RNF150: variants seen among roughly 807,000 people sequenced by gnomAD.
RNF150 encodes the protein ring finger protein 150.
RNF150 carries 24 observed loss-of-function variants against 39.3 expected under a neutral mutation model. The ratio of observed to expected loss-of-function variants is 0.61; its 90% CI spans 0.44 to 0.86. The LOEUF (loss-of-function observed/expected upper bound fraction) is 0.86, where lower values mean the gene tolerates loss of function less well. Among genes scored for constraint, RNF150 ranks in the 40% least tolerant of loss-of-function variants. The pLI, the probability that RNF150 is intolerant of heterozygous loss-of-function variation, is 0.00. For missense variants in RNF150, 502 were observed against 587.8 expected (o/e 0.85, Z 1.51); for synonymous variants, 255 against 227.3 (o/e 1.12, Z -1.10).
intron 4 of RNF150, among the ~76,000 whole-genome samples, chr4:140,939,117 A>C (rs1246478281): frequency 6.6e-6 from 1 of 152,174 alleles, no homozygotes; most frequent in African/African-American, 2.4e-5. Context: ...CAGATACTCA[A>C]ATGTCATTAG....
At chr4:140,897,607 T>C (rs551197271) in intron 6 of RNF150, among the ~76,000 whole-genome samples, 2 of 152,222 alleles carry the variant, frequency 1.3e-5, no homozygotes, top group African/African-American at 4.8e-5. Flanking sequence ...ACATGGTTCC[T>C]AGACTGCTCT....
At chr4:140,908,060 T>G (rs1186542691) in intron 6 of RNF150, among the ~76,000 whole-genome samples, 1 of 152,374 alleles carries the variant, frequency 6.6e-6, no homozygotes, top group East Asian at 1.9e-4. Flanking sequence ...GTTATTTATT[T>G]GCAATTTATA....
At chr4:141,183,970 G>A (rs144904141) in intron 1 of RNF150, among the ~76,000 whole-genome samples, 5,591 of 152,146 alleles carry the variant, frequency 0.037, 344 homozygotes, top group African/African-American at 0.12. Context: ...ATAAACATAC[G>A]TGTGCATGTG....
chr4:141,029,465 T>G (rs1428788111), intron 1 of RNF150, among the ~76,000 whole-genome samples: 3 of 152,204 alleles, frequency 2.0e-5, no homozygotes, highest in Admixed American at 6.5e-5. Context: ...TAAATCAGAG[T>G]GTACTTTATA....
chr4:141,095,706 A>G lies in RNF150; in HGVS notation c.484+36619T>C, dbSNP rs568207833. Among the ~76,000 whole-genome samples the G allele has an allele frequency of 9.2e-5, 14 of 152,324 alleles. No individual in the cohort carries two copies. The South Asian group carries it at 2.7e-3, about 29-fold the overall frequency. ...AGGTAAAACAAACATATGTATTTAT[A>G]TATTTTTTCTTATGGTTGCATATAT... On this transcript the variant is annotated intron_variant, in intron 1 of 6. Coordinates refer to ENST00000515673, the MANE Select transcript of RNF150 (RefSeq NM_020724.2).
chr4:141,147,172 G>A (rs1389185449), intron 1 of RNF150, among the ~76,000 whole-genome samples: 1 of 152,160 alleles, frequency 6.6e-6, no homozygotes, highest in Admixed American at 6.5e-5. Context: ...CCAGCCTGGT[G>A]ACTGTGTTTG....
At chr4:141,145,336 C>T (rs572994017) in intron 1 of RNF150, among the ~76,000 whole-genome samples, 1 of 151,750 alleles carries the variant, frequency 6.6e-6, no homozygotes, top group African/African-American at 2.4e-5. Flanking sequence ...TTTTACTTAA[C>T]ATAACATTAA....
At chr4:141,144,993 G>C (rs1285894173) in intron 1 of RNF150, among the ~76,000 whole-genome samples, 1 of 152,128 alleles carries the variant, frequency 6.6e-6, no homozygotes. Context: ...GTAACACATG[G>C]TCTGGACTTC....
intron 2 of RNF150, among the ~76,000 whole-genome samples, chr4:140,958,505 T>C (rs1015222212): frequency 2.0e-5 from 3 of 152,164 alleles, no homozygotes; most frequent in African/African-American, 7.2e-5. Flanking sequence ...CTGCATGCCC[T>C]TGAAAAGAAA....
At chr4:141,165,901 G>C (rs1727590607) in intron 1 of RNF150, among the ~76,000 whole-genome samples, 1 of 151,924 alleles carries the variant, frequency 6.6e-6, no homozygotes, top group Non-Finnish European at 1.5e-5. Context: ...AGAGAAGCAA[G>C]AGCAAAGAAA....
chr4:141,013,888 G>A (rs1367512062), intron 1 of RNF150, among the ~76,000 whole-genome samples: 2 of 152,040 alleles, frequency 1.3e-5, no homozygotes, highest in Non-Finnish European at 2.9e-5. Context: ...CATTATTAAT[G>A]ACTATAGTCA....
intron 1 of RNF150, among the ~76,000 whole-genome samples, chr4:141,117,471 C>T (rs1044108878): frequency 2.0e-5 from 3 of 152,104 alleles, no homozygotes. Flanking sequence ...AAGAAATAGG[C>T]TATAACCTAC....
At position 140,911,202 on chromosome 4, in the gene RNF150, C is replaced by T. The variant is rs770612734; in HGVS notation, c.1140G>A (p.Gln380=). 5.0e-6 allele frequency: 8 copies of T among 1,614,166 alleles called. No homozygotes were observed. In the South Asian group the frequency reaches 5.5e-5, roughly 11 times the overall value. The change falls in exon 6 of 7, where the codon CAG becomes CAA. Residue 380 remains glutamine (Q), a synonymous_variant. Transcript: ENST00000515673. ...GGATGGGGTCTGTATCCTGGACCAC[C>T]TGCAAGGCTCCCACAGTCCGGACAG... The part of the protein sequence containing the change: ...DPAVRTVGAL[Q]VVQDTDPIPQ...
In RNF150 at chr4:141,002,453, G is replaced by A. The variant is rs904701443; in HGVS notation, c.485-34580C>T. ...TATCTTAAGCTTTGCCACACTGAAC[G>A]ATTAAGAGCTTGGGTCAAAATGATG... On this transcript the variant is annotated intron_variant, in intron 1 of 6. Transcript: ENST00000515673. Among the ~76,000 whole-genome samples, 5 of 152,006 alleles carry A rather than the reference G, an allele frequency of 3.3e-5. No homozygotes were observed. In the East Asian group the frequency reaches 5.8e-4, roughly 18 times the overall value.
chr4:141,090,496 T>C (rs538426679), intron 1 of RNF150, among the ~76,000 whole-genome samples: 52 of 152,312 alleles, frequency 3.4e-4, no homozygotes, highest in African/African-American at 1.1e-3. Flanking sequence ...AAGCCTATCA[T>C]ATAAGCATAG....
chr4:141,116,231 G>A (rs1739545987), intron 1 of RNF150, among the ~76,000 whole-genome samples: 1 of 152,148 alleles, frequency 6.6e-6, no homozygotes, highest in African/African-American at 2.4e-5. Flanking sequence ...GAAAATTTTT[G>A]CAATCTATCC....
chr4:140,928,632 C>A (rs1731491192), intron 4 of RNF150, among the ~76,000 whole-genome samples: 1 of 152,116 alleles, frequency 6.6e-6, no homozygotes, highest in Non-Finnish European at 1.5e-5. Flanking sequence ...CTGCAAGCTC[C>A]ATCTCCTGGG....
At chr4:140,990,924 A>G (rs1560672386) in intron 1 of RNF150, among the ~76,000 whole-genome samples, 1 of 152,178 alleles carries the variant, frequency 6.6e-6, no homozygotes, top group African/African-American at 2.4e-5. Context: ...GTCTTTCACA[A>G]TGGCTGAAGT....
At chr4:141,128,099 TA>T (rs965793283) in intron 1 of RNF150, among the ~76,000 whole-genome samples, 1 of 152,142 alleles carries the variant, frequency 6.6e-6, no homozygotes, top group African/African-American at 2.4e-5. Context: ...AAAGGGTAAA[TA>T]AGGAGTTCTT....
Sources: gnomAD v4.1 joint callset for allele counts (sites outside exome capture counted in the v4.1 genomes callset) on GRCh38, gnomAD v4.1.1 for gene constraint, MANE v1.5 for transcripts, NCBI Gene and HGNC (gene_info 2026-07-23, HGNC 2026-07-21) for gene names.